The following PCDH15 variants were observed in gnomAD, a reference collection of about 807,000 sequenced individuals.
PCDH15 encodes protocadherin related 15.
PCDH15 carries 129 observed loss-of-function variants against 178.5 expected under a neutral mutation model. That is an observed-to-expected ratio of 0.72 (90% CI 0.63 to 0.84). The LOEUF (loss-of-function observed/expected upper bound fraction) is 0.84. Among genes scored for constraint, PCDH15 ranks in the 40% least tolerant of loss-of-function variants. PCDH15 has a pLI of 0.00. For synonymous variants in PCDH15, 800 were observed against 732.0 expected (o/e 1.09, Z -1.50); for missense variants, 2,230 against 2,099.9 (o/e 1.06, Z -1.21).
intron 2 of PCDH15, among the ~76,000 whole-genome samples, chr10:55,403,724 G>C (rs562001437): frequency 2.0e-5 from 3 of 151,944 alleles, no homozygotes; most frequent in Admixed American, 6.6e-5. Flanking sequence ...GGTTACAATA[G>C]CTTTGTAGTG....
intron 9 of PCDH15, among the ~76,000 whole-genome samples, chr10:54,216,044 GAAAAAAAA>G (rs10648282): frequency 4.1e-4 from 29 of 70,388 alleles, no homozygotes; most frequent in African/African-American, 1.6e-3. Flanking sequence ...CTCCGTCTCA[GAAAAAAAA>G]AAAAAAAAAA....
chr10:55,374,206 G>C (rs1305555935), intron 2 of PCDH15, among the ~76,000 whole-genome samples: 4 of 152,060 alleles, frequency 2.6e-5, no homozygotes, highest in Admixed American at 2.6e-4. Flanking sequence ...ATGGCACCTA[G>C]CCAACACCAC....
At chr10:54,875,031 T>C (rs779018122) in intron 3 of PCDH15, among the ~76,000 whole-genome samples, 7 of 152,162 alleles carry the variant, frequency 4.6e-5, no homozygotes, top group Admixed American at 6.6e-5. Flanking sequence ...TTATTGTGGT[T>C]CACAGATTTT....
chr10:55,529,741 G>GTGTATATATATA (rs1554881517), intron 2 of PCDH15, among the ~76,000 whole-genome samples: 1 of 62,772 alleles, frequency 1.6e-5, no homozygotes, highest in Non-Finnish European at 3.1e-5. Flanking sequence ...TTGTCTGTGA[G>GTGTATATATATA]TATATATATA....
At chr10:54,135,127 C>T (rs11004090) in intron 14 of PCDH15, among the ~76,000 whole-genome samples, 40,678 of 150,860 alleles carry the variant, frequency 0.27, 6,562 homozygotes, top group East Asian at 0.87. Context: ...TGCTTGAACC[C>T]GGGAGACGGA....
At position 55,538,831 on chromosome 10, in the gene PCDH15, CTCGTTCCTTCCTCCTT is replaced by C. The variant is rs1564442528; in HGVS notation, c.-156+88778_-156+88793del. 4.0e-3 allele frequency among the ~76,000 whole-genome samples: 262 copies of C among 64,774 alleles called. 65 individuals carry two copies. Among genetic ancestry groups the C allele is most frequent in the East Asian group, 0.018 (36 of 1,960 alleles). 42.5% of individuals were successfully genotyped at this position (64,774 alleles called of 152,430 possible). A position where few individuals can be genotyped will look rare whatever the true frequency, so the allele number is the denominator to read the frequency against. ...TTCCTTCCTTTCCTTCCTTCCTCCT[CTCGTTCCTTCCTCCTT>C]TCCTTCCTTCCTTCCTCCTTTCCTT... On this transcript the variant is annotated intron_variant, in intron 2 of 5. Transcript: ENST00000613346.
chr10:54,110,535 A>G (rs10825234), intron 15 of PCDH15, among the ~76,000 whole-genome samples: 37,188 of 152,030 alleles, frequency 0.24, 5,799 homozygotes, highest in East Asian at 0.86. Context: ...TGGTTAAATT[A>G]GGACAACTGT....
chr10:54,411,225 GC>G (rs71007851), intron 3 of PCDH15, among the ~76,000 whole-genome samples: 120,491 of 151,904 alleles, frequency 0.79, 48,556 homozygotes, highest in East Asian at 0.97. Flanking sequence ...TTATATATAG[GC>G]CCACTGCACC....
intron 2 of PCDH15, among the ~76,000 whole-genome samples, chr10:55,325,997 G>C (rs574883626): frequency 6.6e-6 from 1 of 151,974 alleles, no homozygotes; most frequent in South Asian, 2.1e-4. Context: ...AATGCTCAGC[G>C]TCACTAATCA....
At chr10:54,575,534 T>C (rs1435065252) in intron 2 of PCDH15, among the ~76,000 whole-genome samples, 1 of 152,162 alleles carries the variant, frequency 6.6e-6, no homozygotes, top group Non-Finnish European at 1.5e-5. Flanking sequence ...CAATATATCT[T>C]GGGAAATAAA....
At chr10:54,627,234 C>T (rs987805347) in intron 2 of PCDH15, among the ~76,000 whole-genome samples, 1 of 151,936 alleles carries the variant, frequency 6.6e-6, no homozygotes, top group African/African-American at 2.4e-5. Flanking sequence ...GGGGGACTCT[C>T]GGGAAGGCAT....
rs1173640535 is a variant in PCDH15 at position 54,023,897 on chromosome 10, CT to C, written c.2221-701del. 3.0e-5 allele frequency among the ~76,000 whole-genome samples: 3 copies of C among 101,670 alleles called. No homozygotes were observed. The East Asian group carries it at 8.1e-4, about 27-fold the overall frequency. The allele number at this position is 101,670 out of a possible 152,430, so 66.7% of individuals were successfully genotyped here. On this transcript the variant is annotated intron_variant, in intron 18 of 37. Transcript: ENST00000644397. Reference sequence around the variant, plus strand: ...ACACAATACTTCATATATAAAAGTACTTAACAAATGCTTGTGGAATTAATGA... The same window carrying C: ...ACACAATACTTCATATATAAAAGTACTAACAAATGCTTGTGGAATTAATGA...
intron 2 of PCDH15, among the ~76,000 whole-genome samples, chr10:54,912,065 A>G (rs1337210383): frequency 6.6e-6 from 1 of 152,242 alleles, no homozygotes; most frequent in South Asian, 2.1e-4. Flanking sequence ...GTAGGTTTGA[A>G]TAACATTAAC....
At chr10:54,481,200 C>T (rs1041156616) in intron 3 of PCDH15, among the ~76,000 whole-genome samples, 1 of 151,798 alleles carries the variant, frequency 6.6e-6, no homozygotes, top group African/African-American at 2.4e-5. Context: ...TTATATTAGC[C>T]TAAATACATT....
intron 3 of PCDH15, among the ~76,000 whole-genome samples, chr10:54,415,451 G>T (rs531780536): frequency 6.6e-6 from 1 of 151,712 alleles, no homozygotes; most frequent in East Asian, 1.9e-4. Context: ...AACAAGAGAA[G>T]AAAAAAAGGT....
At chr10:55,259,902 CAAAAAAAAAAAAAAAAAAAAAA>C (rs749939571) in intron 1 of PCDH15, among the ~76,000 whole-genome samples, 3 of 52,008 alleles carry the variant, frequency 5.8e-5, no homozygotes, top group Non-Finnish European at 1.1e-4. Context: ...AACTCCGTCT[CAAAAAAAAAAAAAAAAAAAAAA>C]AAAAAAAAAA....
At chr10:54,306,242 C>A (rs1000282785) in intron 8 of PCDH15, among the ~76,000 whole-genome samples, 11 of 152,006 alleles carry the variant, frequency 7.2e-5, no homozygotes, top group Non-Finnish European at 1.6e-4. Context: ...AAATTAATGA[C>A]CTTTTCTATT....
intron 3 of PCDH15, among the ~76,000 whole-genome samples, chr10:54,470,883 G>T (rs1324240783): frequency 6.6e-6 from 1 of 152,004 alleles, no homozygotes; most frequent in East Asian, 1.9e-4. Context: ...GTGAGTACCG[G>T]ATGCTTTCCA....
At chr10:55,616,602 T>C (rs923802056) in intron 2 of PCDH15, among the ~76,000 whole-genome samples, 8 of 151,888 alleles carry the variant, frequency 5.3e-5, no homozygotes, top group African/African-American at 1.9e-4. Flanking sequence ...AACCCACCTA[T>C]GTGTCAGTTT....
Sources: allele counts gnomAD v4.1 joint callset (sites outside exome capture counted in the v4.1 genomes callset), GRCh38; gene constraint gnomAD v4.1.1; transcripts MANE v1.5; gene names NCBI Gene and HGNC (gene_info 2026-07-23, HGNC 2026-07-21).